PGBD5: variants seen among roughly 807,000 people sequenced by gnomAD.
The protein encoded by PGBD5 is piggyBac transposable element-derived protein 5.
In PGBD5, 14 loss-of-function variants were observed where a neutral mutation model predicts 47.9. The ratio of observed to expected loss-of-function variants is 0.29; its 90% CI spans 0.19 to 0.46. The LOEUF (loss-of-function observed/expected upper bound fraction) is 0.46, where lower values mean the gene tolerates loss of function less well. PGBD5 is among the 20% of genes least tolerant of loss of function. PGBD5 has a pLI of 1.00. For missense variants in PGBD5, 635 were observed against 716.0 expected (o/e 0.89, Z 1.29); for synonymous variants, 316 against 306.3 (o/e 1.03, Z -0.33).
chr1:230,394,700 T>C (rs1477478178), intron 1 of PGBD5, among the ~76,000 whole-genome samples: 1 of 131,942 alleles, frequency 7.6e-6, no homozygotes. Flanking sequence ...CTTCCTCTCC[T>C]CACGCTCCTC....
At chr1:230,388,294 C>T (rs1656697717) in intron 1 of PGBD5, among the ~76,000 whole-genome samples, 1 of 152,192 alleles carries the variant, frequency 6.6e-6, no homozygotes, top group Non-Finnish European at 1.5e-5. Context: ...GGACCCTGGC[C>T]TCCTGGAAGC....
At chr1:230,418,260 C>T (rs1339841235) in intron 1 of PGBD5, among the ~76,000 whole-genome samples, 1 of 152,130 alleles carries the variant, frequency 6.6e-6, no homozygotes, top group Non-Finnish European at 1.5e-5. Flanking sequence ...TAGCAACTTT[C>T]GGGTTTGGAA....
At chr1:230,335,700 CAT>C (rs1459615409) in intron 4 of PGBD5, among the ~76,000 whole-genome samples, 1 of 138,466 alleles carries the variant, frequency 7.2e-6, no homozygotes, top group African/African-American at 2.7e-5. Context: ...GACACATACA[CAT>C]ACATACACAG....
At chr1:230,384,915 G>A (rs921871008) in intron 1 of PGBD5, among the ~76,000 whole-genome samples, 2 of 152,200 alleles carry the variant, frequency 1.3e-5, no homozygotes, top group African/African-American at 4.8e-5. Flanking sequence ...TAGCTGCTGT[G>A]TTCACTTTTT....
At chr1:230,367,426 G>A (rs1281290201) in intron 1 of PGBD5, among the ~76,000 whole-genome samples, 1 of 152,206 alleles carries the variant, frequency 6.6e-6, no homozygotes, top group African/African-American at 2.4e-5. Flanking sequence ...TGCTGGCCGG[G>A]CACAGTGGCT....
At chr1:230,350,111 G>A (rs1667538651) in intron 3 of PGBD5, among the ~76,000 whole-genome samples, 1 of 152,258 alleles carries the variant, frequency 6.6e-6, no homozygotes, top group Non-Finnish European at 1.5e-5. Context: ...CTTGGGGCCT[G>A]GAGATGCGGT....
intron 4 of PGBD5, among the ~76,000 whole-genome samples, chr1:230,335,680 CAGACACACAG>C (rs1389457611): frequency 5.5e-5 from 2 of 36,212 alleles, no homozygotes; most frequent in African/African-American, 1.1e-4. Flanking sequence ...TACACAGATA[CAGACACACAG>C]ACACATACAC....
chr1:230,393,298 A>C (rs1656836285), intron 1 of PGBD5, among the ~76,000 whole-genome samples: 1 of 141,644 alleles, frequency 7.1e-6, no homozygotes, highest in Non-Finnish European at 1.5e-5. Context: ...AAGAGAAGAG[A>C]AAGGGGAGGG....
intron 1 of PGBD5, among the ~76,000 whole-genome samples, chr1:230,395,930 CCT>C (rs1482444765): frequency 1.0e-5 from 1 of 95,416 alleles, no homozygotes; most frequent in Admixed American, 1.2e-4. Context: ...CCTCCCCATC[CCT>C]GAGCTCCTCC....
At chr1:230,406,518 T>C (rs1176635726) in intron 1 of PGBD5, among the ~76,000 whole-genome samples, 1 of 152,104 alleles carries the variant, frequency 6.6e-6, no homozygotes, top group Non-Finnish European at 1.5e-5. Context: ...GTTGTCCAGA[T>C]AACTTTAGAA....
At chr1:230,337,836 G>C (rs1279646751) in intron 3 of PGBD5, among the ~76,000 whole-genome samples, 1 of 152,174 alleles carries the variant, frequency 6.6e-6, no homozygotes, top group African/African-American at 2.4e-5. Flanking sequence ...CAACAAAGAG[G>C]ATGTGTGGGG....
intron 1 of PGBD5, among the ~76,000 whole-genome samples, chr1:230,362,647 C>T (rs1667766159): frequency 6.6e-6 from 1 of 152,122 alleles, no homozygotes; most frequent in Admixed American, 6.5e-5. Context: ...GCTTGTGTGG[C>T]CCGTCTCCCG....
Position 230,391,539 on chromosome 1 carries a change from C to A in PGBD5, c.331+34059G>T, listed in dbSNP as rs12087986. On this transcript the variant is annotated intron_variant, in intron 1 of 6. Coordinates refer to ENST00000391860, the MANE Select transcript of PGBD5 (RefSeq NM_001258311.2). Reference sequence around the variant, plus strand: ...AAAGTATAACACACAAAGCAAACGTCAAATCAGACCCTTTCTCCTCACCCC... The same window carrying A: ...AAAGTATAACACACAAAGCAAACGTAAAATCAGACCCTTTCTCCTCACCCC... Among the ~76,000 whole-genome samples the A allele has an allele frequency of 3.5e-3, 527 of 152,286 alleles. 3 individuals are homozygous for A. The highest frequency in any genetic ancestry group is 0.012 in the African/African-American group (478 of 41,558).
At chr1:230,404,049 T>C (rs1571861523) in intron 1 of PGBD5, among the ~76,000 whole-genome samples, 2 of 152,206 alleles carry the variant, frequency 1.3e-5, no homozygotes, top group East Asian at 1.9e-4. Context: ...CATAGGATTC[T>C]TGAGTTACTC....
chr1:230,327,096 G>A (rs1043913368), intron 5 of PGBD5, among the ~76,000 whole-genome samples: 9 of 152,070 alleles, frequency 5.9e-5, no homozygotes, highest in East Asian at 1.9e-4. Flanking sequence ...AAGATGAGAC[G>A]GACGCCTTCT....
chr1:230,398,223 A>G (rs1289776327), intron 1 of PGBD5, among the ~76,000 whole-genome samples: 4 of 152,152 alleles, frequency 2.6e-5, no homozygotes, highest in Admixed American at 6.5e-5. Flanking sequence ...CAACCATAAC[A>G]AAGTACCACA....
chr1:230,366,494 A>G (rs1380077237), intron 1 of PGBD5, among the ~76,000 whole-genome samples: 3 of 152,210 alleles, frequency 2.0e-5, no homozygotes, highest in South Asian at 2.1e-4. Flanking sequence ...TAAGACAATC[A>G]TAAGTACCTT....
In PGBD5 at chr1:230,332,857, G is replaced by C. The variant is rs752531563; in HGVS notation, c.1260C>G (p.Ser420=). 6.2e-7 allele frequency: 1 copy of C among 1,614,194 alleles called. No individual in the cohort carries two copies. Among genetic ancestry groups the C allele is most frequent in the Admixed American group, 1.7e-5 (1 of 60,034 alleles). The change falls in exon 5 of 7, where the codon TCC becomes TCG. Residue 420 remains serine (S), a synonymous_variant. Coordinates refer to ENST00000391860, the MANE Select transcript of PGBD5 (RefSeq NM_001258311.2). ...GHFRFLTNAY[S]PVQQGVIIKR... The stretch of plus-strand genomic sequence containing the variant: ...ACCCGCACTCACCCTGCTGCACCGG[G>C]GAGTAGGCGTTGGTCAGGAAGCGGA...
intron 1 of PGBD5, among the ~76,000 whole-genome samples, chr1:230,361,644 A>T (rs1431437908): frequency 6.6e-6 from 1 of 152,186 alleles, no homozygotes. Flanking sequence ...AGAAAAGGAG[A>T]TGTTCCATTT....
Sources: gnomAD v4.1 joint callset for allele counts (sites outside exome capture counted in the v4.1 genomes callset) on GRCh38, gnomAD v4.1.1 for gene constraint, MANE v1.5 for transcripts, NCBI Gene and HGNC (gene_info 2026-07-23, HGNC 2026-07-21) for gene names.